The following ETS1 variants were observed in gnomAD, a reference collection of about 807,000 sequenced individuals.
ETS1 encodes protein C-ets-1.
In ETS1, 15 loss-of-function variants were observed where a neutral mutation model predicts 58.6. The observed-to-expected ratio is 0.26, with a 90% CI of 0.17 to 0.39. The LOEUF (loss-of-function observed/expected upper bound fraction) is 0.39, where lower values mean the gene tolerates loss of function less well. Ranked by LOEUF, ETS1 falls within the 10% of genes least tolerant of loss-of-function variation. The probability of loss-of-function intolerance (pLI) is 1.00; values close to 1 mark genes in which losing one functional copy is unlikely to be tolerated. For synonymous variants in ETS1, 214 were observed against 218.2 expected (o/e 0.98, Z 0.17); for missense variants, 417 against 610.5 (o/e 0.68, Z 3.34).
chr11:128,496,732 G>T (rs1862952086), intron 3 of ETS1, among the ~76,000 whole-genome samples: 1 of 152,220 alleles, frequency 6.6e-6, no homozygotes, highest in South Asian at 2.1e-4. Context: ...GGTTGAAGTA[G>T]AGTAGAAGGG....
intron 4 of ETS1, 28 bp from the exon 5 acceptor site, chr11:128,489,518 A>G: frequency 1.2e-6 from 2 of 1,602,614 alleles, no homozygotes; most frequent in Non-Finnish European, 1.7e-6. Context: ...ATGAAGATCC[A>G]GCAGGTCGGG....
intron 3 of ETS1, among the ~76,000 whole-genome samples, chr11:128,540,811 G>A (rs1352797396): frequency 1.3e-5 from 2 of 152,328 alleles, no homozygotes; most frequent in Admixed American, 1.3e-4. Flanking sequence ...GGAGCCCCGT[G>A]TGGAGTCTAA....
intron 3 of ETS1, among the ~76,000 whole-genome samples, chr11:128,514,863 T>C (rs1270337621): frequency 6.6e-6 from 1 of 152,222 alleles, no homozygotes; most frequent in Non-Finnish European, 1.5e-5. Flanking sequence ...AGATGAAAGC[T>C]TTTCCAAGAA....
intron 3 of ETS1, among the ~76,000 whole-genome samples, chr11:128,521,689 A>G (rs1301219263): frequency 6.6e-6 from 1 of 152,224 alleles, no homozygotes. Context: ...AGCTGTGAAA[A>G]TAAATACCAC....
chr11:128,506,558 G>C (rs973086234), intron 3 of ETS1, among the ~76,000 whole-genome samples: 1 of 152,180 alleles, frequency 6.6e-6, no homozygotes, highest in Admixed American at 6.5e-5. Context: ...AGGAAGGAGT[G>C]CACGTAAGAT....
At chr11:128,513,833 T>C (rs989835008) in intron 3 of ETS1, among the ~76,000 whole-genome samples, 18 of 152,118 alleles carry the variant, frequency 1.2e-4, no homozygotes, top group Admixed American at 1.3e-4. Flanking sequence ...GGAAAGATTG[T>C]TTGAAGCCAA....
chr11:128,484,838 C>G lies in ETS1; in HGVS notation c.847G>C (p.Gly283Arg), dbSNP rs1862581963. 1.9e-6 allele frequency: 3 copies of G among 1,613,980 alleles called. No individual in the cohort carries two copies. Among genetic ancestry groups the G allele is most frequent in the Non-Finnish European group, 2.5e-6 (3 of 1,179,928 alleles). ...TATGACCTACCACGACTGGTCCTCCCCATGCACATGTTGTCTGGGGTGACG... is the reference window on the plus strand; with the variant it reads ...TATGACCTACCACGACTGGTCCTCCGCATGCACATGTTGTCTGGGGTGACG... The part of the protein sequence containing the change: ...EVVTPDNMCM[G>R]RTSRGKLGGQ... Residue 283 changes from glycine (G) to arginine (R), a missense_variant, in exon 7 of 10, where the codon GGG (glycine) becomes CGG (arginine). This residue lies in a region of ETS1 where 139 missense variants were observed against 152.1 expected (regional missense o/e 0.91). Transcript: ENST00000392668.
chr11:128,467,485 T>A (rs1466142971), intron 8 of ETS1, among the ~76,000 whole-genome samples: 1 of 152,136 alleles, frequency 6.6e-6, no homozygotes, highest in Non-Finnish European at 1.5e-5. Flanking sequence ...CAGGACCCCA[T>A]CCCTTGCCCT....
intron 8 of ETS1, among the ~76,000 whole-genome samples, chr11:128,471,187 A>C: frequency 6.6e-6 from 1 of 152,176 alleles, no homozygotes; most frequent in Non-Finnish European, 1.5e-5. Context: ...GTTCAAGCAG[A>C]ACCTCTTGTC....
At chr11:128,474,415 C>T (rs1213287558) in intron 8 of ETS1, among the ~76,000 whole-genome samples, 2 of 152,018 alleles carry the variant, frequency 1.3e-5, no homozygotes, top group Admixed American at 6.5e-5. Flanking sequence ...ATAGTGAGGA[C>T]GAATCTTTTT....
intron 3 of ETS1, among the ~76,000 whole-genome samples, chr11:128,501,088 CCTG>C (rs1256679754): frequency 6.6e-6 from 1 of 152,124 alleles, no homozygotes; most frequent in Non-Finnish European, 1.5e-5. Flanking sequence ...CAGCTTTTCC[CCTG>C]CTTTCTTCCT....
At chr11:128,537,106 C>G (rs1017614152) in intron 3 of ETS1, among the ~76,000 whole-genome samples, 15 of 152,154 alleles carry the variant, frequency 9.9e-5, no homozygotes, top group Non-Finnish European at 1.9e-4. Flanking sequence ...TCCAAGTCAG[C>G]TGTGCAAAAT....
chr11:128,573,182 T>C (rs1169881089), intron 1 of ETS1, 38 bp from the exon 2 acceptor site: 11 of 1,451,424 alleles, frequency 7.6e-6, no homozygotes, highest in Non-Finnish European at 1.0e-5. Context: ...CTCTGGATGC[T>C]CACAGGTTTG....
intron 6 of ETS1, among the ~76,000 whole-genome samples, chr11:128,485,754 G>T (rs1862612767): frequency 6.6e-6 from 1 of 152,100 alleles, no homozygotes. Flanking sequence ...CCCTCTTTTG[G>T]CCATCGTAGT....
chr11:128,459,014 TCTTG>T lies in ETS1; in HGVS notation c.*3343_*3346del, dbSNP rs1861838511. 6.6e-6 allele frequency: 1 copy of T among 152,502 alleles called. No individual in the cohort carries two copies. The highest frequency in any genetic ancestry group is 6.6e-5 in the Admixed American group (1 of 15,266). The allele number at this position is 152,502 out of a possible 1,614,324, so 9.4% of individuals were successfully genotyped here. On this transcript the variant is annotated 3_prime_UTR_variant, in exon 10 of 10. Transcript: ENST00000392668. ...AAGCACCTGCTTTTCCTTTTTTTCA[TCTTG>T]CTTCTAAATTTTCAGCTTTTAAAAA...
intron 3 of ETS1, among the ~76,000 whole-genome samples, chr11:128,539,184 G>GA (rs777681455): frequency 3.7e-4 from 57 of 152,254 alleles, no homozygotes; most frequent in Middle Eastern, 6.8e-3. Context: ...GAAAAACAAA[G>GA]AAAAAATAGA....
intron 4 of ETS1, 81 bp from the exon 5 acceptor site, chr11:128,489,571 C>T: frequency 2.8e-6 from 3 of 1,052,812 alleles, no homozygotes; most frequent in Non-Finnish European, 4.4e-6. Context: ...ACTGAAGGAG[C>T]TGAATTTAGC....
At chr11:128,498,672 A>G (rs1208225748) in intron 3 of ETS1, among the ~76,000 whole-genome samples, 3 of 152,220 alleles carry the variant, frequency 2.0e-5, no homozygotes, top group African/African-American at 7.2e-5. Context: ...CCAAAACCCA[A>G]GCTGCGTTTT....
intron 7 of ETS1, among the ~76,000 whole-genome samples, chr11:128,481,468 A>G (rs1862484646): frequency 1.3e-5 from 2 of 152,220 alleles, no homozygotes; most frequent in African/African-American, 4.8e-5. Context: ...AAATGAATCT[A>G]AGAGCGAAAA....
Sources: gnomAD v4.1 joint callset for allele counts (sites outside exome capture counted in the v4.1 genomes callset) on GRCh38, gnomAD v4.1.1 for gene constraint, gnomAD v4.1.1 regional missense constraint, MANE v1.5 for transcripts, NCBI Gene and HGNC (gene_info 2026-07-23, HGNC 2026-07-21) for gene names.